The following SAXO2 variants were observed in gnomAD, a reference collection of about 807,000 sequenced individuals.
The protein encoded by SAXO2 is stabilizer of axonemal microtubules 2, also known as family with sequence similarity 154, member B.
Under a neutral mutation model 18.7 loss-of-function variants are expected in SAXO2, and 17 were observed. That is an observed-to-expected ratio of 0.91 (90% confidence interval 0.62 to 1.36). The LOEUF (loss-of-function observed/expected upper bound fraction) is 1.36, where lower values mean the gene tolerates loss of function less well. SAXO2 is among the 40% of genes most tolerant of loss of function. The probability of loss-of-function intolerance (pLI) is 0.00; values close to 1 mark genes in which losing one functional copy is unlikely to be tolerated. For missense variants in SAXO2, 486 were observed against 562.6 expected, an observed-to-expected ratio of 0.86 and a Z score of 1.38; for synonymous variants, 163 against 181.2, an observed-to-expected ratio of 0.90 and a Z score of 0.81.
chr15:82,282,111 T>C lies in SAXO2; in HGVS notation c.434-8T>C, dbSNP rs765950504. On this transcript the variant is annotated splice_polypyrimidine_tract_variant and splice_region_variant and intron_variant, in intron 3 of 3. Coordinates refer to ENST00000682753, the MANE Select transcript of SAXO2 (RefSeq NM_001348699.2). Reference sequence around the variant, plus strand: ...TAAAAATGTTTTTGCTTTGTTTTAATTTTCAAGACGATTATAGAGCTTGGG... The same window carrying C: ...TAAAAATGTTTTTGCTTTGTTTTAACTTTCAAGACGATTATAGAGCTTGGG... 6.4e-7 allele frequency: 1 copy of C among 1,563,306 alleles called. No individual in the cohort carries two copies. Among genetic ancestry groups the C allele is most frequent in the Non-Finnish European group, 8.6e-7 (1 of 1,159,132 alleles).
At chr15:82,280,509 T>C (rs573890133) in intron 3 of SAXO2, among the ~76,000 whole-genome samples, 1 of 152,114 alleles carries the variant, frequency 6.6e-6, no homozygotes, top group African/African-American at 2.4e-5. Context: ...AAAAAAAGAC[T>C]CTGGTAAAGC....
At chr15:82,273,262 T>G (rs1255778959) in intron 3 of SAXO2, among the ~76,000 whole-genome samples, 1 of 152,164 alleles carries the variant, frequency 6.6e-6, no homozygotes, top group Non-Finnish European at 1.5e-5. Flanking sequence ...TAGATATTAC[T>G]TTTATATCTT....
At chr15:82,270,542 G>A (rs2141366717) in intron 2 of SAXO2, among the ~76,000 whole-genome samples, 1 of 152,312 alleles carries the variant, frequency 6.6e-6, no homozygotes, top group African/African-American at 2.4e-5. Context: ...AAGTTATGTT[G>A]TGAATAGAAG....
intron 3 of SAXO2, among the ~76,000 whole-genome samples, chr15:82,278,176 A>G (rs1373438395): frequency 6.6e-6 from 1 of 152,234 alleles, no homozygotes; most frequent in East Asian, 1.9e-4. Flanking sequence ...AAGAAGAAGC[A>G]AAATAAAACC....
intron 2 of SAXO2, among the ~76,000 whole-genome samples, chr15:82,271,156 A>G (rs570868275): frequency 6.6e-6 from 1 of 152,270 alleles, no homozygotes; most frequent in African/African-American, 2.4e-5. Context: ...GAATTCAAAA[A>G]GAAGAAAGTA....
At chr15:82,280,424 C>G (rs1298253185) in intron 3 of SAXO2, among the ~76,000 whole-genome samples, 3 of 151,914 alleles carry the variant, frequency 2.0e-5, no homozygotes, top group Non-Finnish European at 2.9e-5. Context: ...TTCCTTTTAG[C>G]TAGTGAAAAA....
chr15:82,282,249 T>C lies in SAXO2; in HGVS notation c.564T>C (p.Pro188=). The C allele has an allele frequency of 1.2e-6, 2 of 1,614,224 alleles. No homozygotes were observed. The highest frequency in any genetic ancestry group is 1.7e-6 in the Non-Finnish European group (2 of 1,180,036). ...ATTTTGTTCCTCAGGAGATAAAGCC[T>C]AGGCAAAGCTTTAAACCCTCCTCTG... ...QDDFVPQEIK[P]RQSFKPSSVV... The change falls in exon 4 of 4, where the codon CCT becomes CCC. Residue 188 remains proline (P), a synonymous_variant. Coordinates refer to ENST00000682753, the MANE Select transcript of SAXO2 (RefSeq NM_001348699.2).
At chr15:82,275,277 CAACCAAA>C (rs1439876915) in intron 3 of SAXO2, among the ~76,000 whole-genome samples, 10 of 47,502 alleles carry the variant, frequency 2.1e-4, no homozygotes, top group African/African-American at 7.7e-4. Context: ...AGAAACCTAT[CAACCAAA>C]AAAAAAAAAA....
rs201068142 is a variant in SAXO2 at position 82,282,200 on chromosome 15, G to A, written c.515G>A (p.Gly172Glu). 9.2e-4 allele frequency: 1,492 copies of A among 1,614,040 alleles called. No homozygotes were observed. Among genetic ancestry groups the A allele is most frequent in the Non-Finnish European group, 1.2e-3 (1,402 of 1,179,940 alleles). The change falls in exon 4 of 4, where the codon GGA becomes GAA. Residue 172 changes from glycine (G) to glutamate (E), a missense_variant. Physicochemically the swap from Gly to Glu is moderately conservative, Grantham distance 98 (BLOSUM62 -2). Transcript: ENST00000682753. ...TACCACCCGCCTACTGTGAAATTTG[G>A]AAATTCAACTACATTTCAGGATGAT... ...QTYHPPTVKF[G>E]NSTTFQDDFV...
chr15:82,274,187 C>G (rs1241573537), intron 3 of SAXO2, among the ~76,000 whole-genome samples: 1 of 151,990 alleles, frequency 6.6e-6, no homozygotes, highest in Non-Finnish European at 1.5e-5. Context: ...CCTGGGTTTC[C>G]TGTAGATTCT....
rs1174667023 is a variant in SAXO2, at chr15:82,284,465, G to GGGTA, written c.*1404_*1407dup. The GGGTA allele has an allele frequency of 6.6e-6, 1 of 151,862 alleles. No individual in the cohort carries two copies. Among genetic ancestry groups the GGGTA allele is most frequent in the East Asian group, 1.9e-4 (1 of 5,188 alleles). The allele number at this position is 151,862 out of a possible 1,614,324, so 9.4% of individuals were successfully genotyped here. ...ACTGACAGCTCTGAAGAAATCTTTA[G>GGGTA]GGTAAATGTAGGTAATTTTGCACCT... On this transcript the variant is annotated 3_prime_UTR_variant, in exon 4 of 4. Transcript: ENST00000682753.
rs145012205 is a variant in SAXO2, at chr15:82,282,954, A to T, written c.1269A>T (p.Glu423Asp). ...YSVEYTPKRQ[E>D]ICPASYPSPP... The stretch of plus-strand genomic sequence containing the variant: ...TAGAGTACACACCGAAAAGACAGGA[A>T]ATTTGCCCAGCCAGCTATCCCTCTC... Residue 423 changes from glutamate (E) to aspartate (D), a missense_variant, in exon 4 of 4, where the codon GAA becomes GAT. Physicochemically the swap from Glu to Asp is conservative, Grantham distance 45. Coordinates refer to ENST00000682753, the MANE Select transcript of SAXO2 (RefSeq NM_001348699.2). The T allele has an allele frequency of 3.0e-5, 49 of 1,613,998 alleles. No homozygotes were observed. The highest frequency in any genetic ancestry group is 4.2e-5 in the Non-Finnish European group (49 of 1,180,006).
intron 2 of SAXO2, among the ~76,000 whole-genome samples, 171 bp from the exon 3 acceptor site, chr15:82,271,432 T>G (rs1431778552): frequency 1.3e-5 from 2 of 152,164 alleles, no homozygotes; most frequent in Non-Finnish European, 2.9e-5. Flanking sequence ...TAGGACCTTA[T>G]AAGAAATTCA....
intron 3 of SAXO2, among the ~76,000 whole-genome samples, chr15:82,275,939 AG>A (rs1249984029): frequency 6.6e-6 from 1 of 152,186 alleles, no homozygotes; most frequent in Non-Finnish European, 1.5e-5. Flanking sequence ...GCATCCAAAT[AG>A]GAAAAAAGGA....
chr15:82,262,985 C>A (rs1267507315), intron 1 of SAXO2, 53 bp downstream of exon 1: 49 of 1,567,970 alleles, frequency 3.1e-5, no homozygotes, highest in Non-Finnish European at 4.1e-5. Context: ...CGACCTAGGG[C>A]CTAGGTGCAC....
At chr15:82,272,876 T>G (rs896501236) in intron 3 of SAXO2, among the ~76,000 whole-genome samples, 1 of 151,352 alleles carries the variant, frequency 6.6e-6, no homozygotes, top group Non-Finnish European at 1.5e-5. Flanking sequence ...CTAGTACTTT[T>G]GAGGAATGGG....
chr15:82,277,554 T>C (rs1479251332), intron 3 of SAXO2, among the ~76,000 whole-genome samples: 1 of 152,240 alleles, frequency 6.6e-6, no homozygotes, highest in Non-Finnish European at 1.5e-5. Flanking sequence ...ATTCAGATTC[T>C]GTGTAGGATG....
chr15:82,267,686 A>G (rs941759591), intron 2 of SAXO2, among the ~76,000 whole-genome samples: 3 of 152,204 alleles, frequency 2.0e-5, no homozygotes, highest in African/African-American at 4.8e-5. Flanking sequence ...TCTAATATTT[A>G]TATTTTTAAC....
At chr15:82,267,012 A>C (rs1596026716) in intron 2 of SAXO2, among the ~76,000 whole-genome samples, 1 of 152,160 alleles carries the variant, frequency 6.6e-6, no homozygotes, top group East Asian at 1.9e-4. Flanking sequence ...TTAAACTGTT[A>C]ATGTATGTGC....
Sources: gnomAD v4.1 joint callset for allele counts (sites outside exome capture counted in the v4.1 genomes callset) on GRCh38, gnomAD v4.1.1 for gene constraint, MANE v1.5 for transcripts, NCBI Gene and HGNC (gene_info 2026-07-23, HGNC 2026-07-21) for gene names.